The following MGST1 variants were observed in gnomAD, a reference collection of about 807,000 sequenced individuals.
MGST1 encodes the protein glutathione S-transferase 12.
A neutral mutation model predicts 8.9 loss-of-function variants in MGST1; 5 were observed. The ratio of observed to expected loss-of-function variants is 0.56; its 90% CI spans 0.29 to 1.19. MGST1 has a LOEUF of 1.19. MGST1 is among the 50% of genes most tolerant of loss of function. MGST1 has a pLI of 0.08. For missense variants in MGST1, 182 were observed against 187.4 expected, an observed-to-expected ratio of 0.97 and a Z score of 0.17; for synonymous variants, 54 against 67.8, an observed-to-expected ratio of 0.80 and a Z score of 1.00.
intron 4 of MGST1, among the ~76,000 whole-genome samples, chr12:16,543,801 G>T (rs1941805871): frequency 6.6e-6 from 1 of 152,050 alleles, no homozygotes; most frequent in Admixed American, 6.6e-5. Flanking sequence ...AAAAATGTAA[G>T]GGTGAATTGA....
intron 1 of MGST1, among the ~76,000 whole-genome samples, chr12:16,349,911 A>AT (rs749563598): frequency 1.3e-5 from 2 of 151,720 alleles, no homozygotes; most frequent in Non-Finnish European, 1.5e-5. Context: ...CGCCCAGCTA[A>AT]TTTTTTGTAT....
chr12:16,453,455 T>TAC lies in MGST1; in HGVS notation n.482+69852_482+69853insCA, dbSNP rs1941146086. On this transcript the variant is annotated intron_variant and non_coding_transcript_variant, in intron 4 of 4. Coordinates refer to the MGST1 transcript ENST00000538857. Reference sequence around the variant, plus strand: ...CTGGTAGTGTTTTTTACATTATTTATATATACATACAAACAAATACATAAA... The same window carrying TAC: ...CTGGTAGTGTTTTTTACATTATTTATACATATACATACAAACAAATACATAAA... Among the ~76,000 whole-genome samples the TAC allele has an allele frequency of 3.3e-5, 5 of 152,002 alleles. 1 individual carries two copies. The highest frequency in any genetic ancestry group is 9.7e-5 in the African/African-American group (4 of 41,430).
downstream of MGST1, among the ~76,000 whole-genome samples, chr12:16,377,686 G>T (rs1940403689): frequency 6.6e-6 from 1 of 152,064 alleles, no homozygotes; most frequent in African/African-American, 2.4e-5. Context: ...GGGTCAAATG[G>T]CATTTCTAGT....
chr12:16,409,187 G>C lies in MGST1; in HGVS notation n.778+25583G>C, dbSNP rs146415652. Among the ~76,000 whole-genome samples the C allele has an allele frequency of 3.1e-3, 471 of 152,220 alleles. 1 individual carries two copies. Among genetic ancestry groups the C allele is most frequent in the Non-Finnish European group, 3.8e-3 (261 of 68,004 alleles). On this transcript the variant is annotated intron_variant and non_coding_transcript_variant, in intron 1 of 1. Coordinates refer to the MGST1 transcript ENST00000359720. ...AGTTTCCTTGAACAGTTCACAAAGA[G>C]ATATGTCAACTACTTATTTTCCTGG...
chr12:16,378,502 C>T (rs1320042510), downstream of MGST1, among the ~76,000 whole-genome samples: 10 of 152,192 alleles, frequency 6.6e-5, no homozygotes, highest in East Asian at 1.5e-3. Context: ...TTCCATTGGT[C>T]TATATTTCTG....
chr12:16,359,599 T>C lies in MGST1; in HGVS notation c.221+1900T>C, dbSNP rs544455678. Among the ~76,000 whole-genome samples the C allele has an allele frequency of 3.9e-5, 6 of 152,094 alleles. No individual in the cohort carries two copies. In the East Asian group the frequency reaches 1.2e-3, roughly 29 times the overall value. ...CAATATCAAAGGAAAAATTATGTGT[T>C]AGACGAAAAAAAATAAAAAAAAGTG... On this transcript the variant is annotated intron_variant, in intron 3 of 3. Coordinates refer to ENST00000396210, the MANE Select transcript of MGST1 (RefSeq NM_020300.5).
downstream of MGST1, among the ~76,000 whole-genome samples, chr12:16,443,242 AT>A (rs1941052648): frequency 6.6e-6 from 1 of 151,696 alleles, no homozygotes. Context: ...CCTTATATTT[AT>A]GTTTAAAGTA....
At chr12:16,359,052 C>T (rs1448256942) in intron 3 of MGST1, among the ~76,000 whole-genome samples, 1 of 151,974 alleles carries the variant, frequency 6.6e-6, no homozygotes, top group Non-Finnish European at 1.5e-5. Flanking sequence ...CCAGCCCTTT[C>T]ATCAGTTCCC....
chr12:16,400,692 C>G, intron 1 of MGST1: 1 of 1,483,462 alleles, frequency 6.7e-7, no homozygotes, highest in Non-Finnish European at 9.4e-7. Flanking sequence ...CTGCCCAGAG[C>G]ACTGCCTGGG....
At chr12:16,384,047 T>A (rs1940482160) in intron 1 of MGST1, among the ~76,000 whole-genome samples, 1 of 152,148 alleles carries the variant, frequency 6.6e-6, no homozygotes, top group African/African-American at 2.4e-5. Context: ...GGGGGAATTC[T>A]TCATTGAAAA....
chr12:16,444,499 T>C (rs936544263), intron 4 of MGST1, among the ~76,000 whole-genome samples: 5 of 151,920 alleles, frequency 3.3e-5, no homozygotes, highest in East Asian at 1.9e-4. Context: ...AGATTTCTTT[T>C]GTCTCAACAG....
chr12:16,388,059 C>T (rs1018084790), intron 1 of MGST1, among the ~76,000 whole-genome samples: 2 of 151,930 alleles, frequency 1.3e-5, no homozygotes, highest in African/African-American at 4.8e-5. Context: ...ATCCATCCCT[C>T]AGAATGTATC....
rs1943188881 is a variant in MGST1 at position 16,582,363 on chromosome 12, C to T, written n.483-7165C>T. On this transcript the variant is annotated intron_variant and non_coding_transcript_variant, in intron 4 of 4. Transcript: ENST00000538857. The surrounding 1 kb of genome is among the most constrained non-coding windows in gnomAD (Gnocchi z 4.1). Reference sequence around the variant, plus strand: ...TAGTATTATTCATTTTAGACAGTGACAGACTATTTGCTAATATCTTTCAAG... The same window carrying T: ...TAGTATTATTCATTTTAGACAGTGATAGACTATTTGCTAATATCTTTCAAG... Among the ~76,000 whole-genome samples, 1 of 152,192 alleles carries T rather than the reference C, an allele frequency of 6.6e-6. No homozygotes were observed. Among genetic ancestry groups the T allele is most frequent in the Non-Finnish European group, 1.5e-5 (1 of 68,034 alleles).
chr12:16,420,115 A>G (rs1009317634), intron 1 of MGST1, among the ~76,000 whole-genome samples: 4 of 152,138 alleles, frequency 2.6e-5, no homozygotes, highest in African/African-American at 9.7e-5. Flanking sequence ...CTTTACATAT[A>G]TGAATTTTAA....
intron 1 of MGST1, among the ~76,000 whole-genome samples, chr12:16,408,431 T>C (rs983941081): frequency 2.0e-5 from 3 of 152,200 alleles, no homozygotes; most frequent in African/African-American, 7.2e-5. Flanking sequence ...TTAATGAATA[T>C]AGAATTATAA....
intron 4 of MGST1, among the ~76,000 whole-genome samples, chr12:16,542,231 G>A (rs1215164101): frequency 6.6e-6 from 1 of 152,178 alleles, no homozygotes; most frequent in Non-Finnish European, 1.5e-5. Context: ...AAGAAAAAAA[G>A]CTATGAAATA....
At chr12:16,550,941 C>T (rs968243108) in intron 4 of MGST1, 6 of 344,876 alleles carry the variant, frequency 1.7e-5, no homozygotes, top group Non-Finnish European at 3.2e-5. Context: ...ATACAATAGT[C>T]CAAAATAAAC....
rs148991223 is a variant in MGST1 at position 16,407,280 on chromosome 12, G to A, written n.778+23676G>A. Reference sequence around the variant, plus strand: ...ATAAACTGACACTTTTCAAAAGAAGGCATACATGGGGCCAACAAGCATATG... The same window carrying A: ...ATAAACTGACACTTTTCAAAAGAAGACATACATGGGGCCAACAAGCATATG... On this transcript the variant is annotated intron_variant and non_coding_transcript_variant, in intron 1 of 1. Coordinates refer to the MGST1 transcript ENST00000359720. 1.0e-3 allele frequency among the ~76,000 whole-genome samples: 155 copies of A among 152,180 alleles called. 1 individual carries two copies. Among genetic ancestry groups the A allele is most frequent in the Middle Eastern group, 6.8e-3 (2 of 294 alleles).
At chr12:16,489,075 A>T (rs576030936) in intron 4 of MGST1, among the ~76,000 whole-genome samples, 4 of 152,238 alleles carry the variant, frequency 2.6e-5, no homozygotes, top group South Asian at 4.2e-4. Context: ...GTGTCACTGC[A>T]CTCCAGCCTG....
Sources: gnomAD v4.1 joint callset for allele counts (sites outside exome capture counted in the v4.1 genomes callset) on GRCh38, gnomAD v4.1.1 for gene constraint, Gnocchi (gnomAD v3.1) non-coding constraint, MANE v1.5 for transcripts, NCBI Gene and HGNC (gene_info 2026-07-23, HGNC 2026-07-21) for gene names.